ZMYM4: variants seen among roughly 807,000 people sequenced by gnomAD.
The protein encoded by ZMYM4 is zinc finger MYM-type protein 4.
ZMYM4 carries 31 observed loss-of-function variants against 183.2 expected under a neutral mutation model. The observed-to-expected ratio is 0.17, with a 90% confidence interval of 0.13 to 0.23. The LOEUF is 0.23. Among genes scored for constraint, ZMYM4 ranks in the 10% least tolerant of loss-of-function variants. ZMYM4 has a pLI of 1.00. For synonymous variants in ZMYM4, 592 were observed against 631.2 expected, an observed-to-expected ratio of 0.94 and a Z score of 0.93; for missense variants, 1,273 against 1,840.3, an observed-to-expected ratio of 0.69 and a Z score of 5.64.
intron 1 of ZMYM4, among the ~76,000 whole-genome samples, chr1:35,294,904 G>C (rs1308062681): frequency 6.6e-6 from 1 of 152,168 alleles, no homozygotes; most frequent in Non-Finnish European, 1.5e-5. Flanking sequence ...ACAAGGTATT[G>C]AACAGATAAA....
rs552141852 is a variant in ZMYM4, at chr1:35,269,042, C to A, written c.-5C>A. On this transcript the variant is annotated 5_prime_UTR_variant, in exon 1 of 30. Transcript: ENST00000314607. ...GAGCCGCAGCGGTTCCGAGCGGGGC[C>A]CAACATGGCGGAGAGAGAGGTGGAG... 68 of 1,546,150 alleles carry A rather than the reference C, an allele frequency of 4.4e-5. No homozygotes were observed. The highest frequency in any genetic ancestry group is 9.9e-5 in the Admixed American group (5 of 50,692).
At chr1:35,294,084 A>G (rs999314847) in intron 1 of ZMYM4, among the ~76,000 whole-genome samples, 3 of 151,836 alleles carry the variant, frequency 2.0e-5, no homozygotes, top group Non-Finnish European at 4.4e-5. Flanking sequence ...GCAGTGAGCC[A>G]AGATTGCGCC....
Position 35,268,979 on chromosome 1 carries a change from G to T in ZMYM4, c.-68G>T. On this transcript the variant is annotated 5_prime_UTR_variant, in exon 1 of 30. Transcript: ENST00000314607. The stretch of plus-strand genomic sequence containing the variant: ...CGGCCGTGCCTGCAGTGTGGGCGGG[G>T]GCCGGGGGGCCGAGAGGTACCGCCG... The T allele has an allele frequency of 6.8e-7, 1 of 1,480,916 alleles. No individual in the cohort carries two copies. The highest frequency in any genetic ancestry group is 9.0e-7 in the Non-Finnish European group (1 of 1,114,066). 91.7% of individuals were successfully genotyped at this position (1,480,916 alleles called of 1,614,324 possible).
chr1:35,382,713 T>G lies in ZMYM4; in HGVS notation c.1569+955T>G, dbSNP rs1254108331. 3.3e-5 allele frequency among the ~76,000 whole-genome samples: 5 copies of G among 152,114 alleles called. No homozygotes were observed. In the East Asian group the frequency reaches 7.7e-4, roughly 23 times the overall value. On this transcript the variant is annotated intron_variant, in intron 9 of 29. Transcript: ENST00000314607. ...ACCTGCCTCGGCCTCCCAATCCCTG[T>G]GCTGGGATTACAGGTGCGAGCCACC...
chr1:35,352,253 G>A (rs1166807601), intron 2 of ZMYM4, among the ~76,000 whole-genome samples: 3 of 102,288 alleles, frequency 2.9e-5, no homozygotes, highest in Admixed American at 2.8e-4. Context: ...TTAAAAATTA[G>A]CGCGCACGCG....
intron 1 of ZMYM4, among the ~76,000 whole-genome samples, chr1:35,273,952 G>A (rs1007652492): frequency 6.6e-6 from 1 of 152,118 alleles, no homozygotes; most frequent in Non-Finnish European, 1.5e-5. Context: ...ATAGACAGTA[G>A]AAAATACGAA....
intron 1 of ZMYM4, among the ~76,000 whole-genome samples, chr1:35,283,805 T>C (rs1292656408): frequency 6.6e-6 from 1 of 152,172 alleles, no homozygotes; most frequent in Admixed American, 6.5e-5. Context: ...TTTGTGCATG[T>C]TTTTTAATTG....
chr1:35,310,898 C>T (rs1379345008), intron 1 of ZMYM4, among the ~76,000 whole-genome samples: 1 of 151,946 alleles, frequency 6.6e-6, no homozygotes, highest in African/African-American at 2.4e-5. Flanking sequence ...TTTTCTAATT[C>T]ACACGAGTAT....
At chr1:35,320,394 G>A (rs1349033831) in intron 1 of ZMYM4, among the ~76,000 whole-genome samples, 3 of 152,122 alleles carry the variant, frequency 2.0e-5, no homozygotes, top group African/African-American at 4.8e-5. Flanking sequence ...CAGAGAAGAC[G>A]TGGGAACTCC....
chr1:35,394,024 G>A (rs1644758765), intron 18 of ZMYM4, among the ~76,000 whole-genome samples: 1 of 151,994 alleles, frequency 6.6e-6, no homozygotes. Flanking sequence ...CATAAGGTTT[G>A]GAATTACATG....
At chr1:35,408,876 C>A (rs1419181353) in intron 26 of ZMYM4, among the ~76,000 whole-genome samples, 2 of 152,236 alleles carry the variant, frequency 1.3e-5, no homozygotes, top group African/African-American at 4.8e-5. Context: ...TCACCACTGT[C>A]TATTCTGTAG....
At chr1:35,333,935 A>G (rs928857266) in intron 2 of ZMYM4, among the ~76,000 whole-genome samples, 11 of 152,054 alleles carry the variant, frequency 7.2e-5, no homozygotes, top group African/African-American at 2.7e-4. Context: ...TTTTTCTGCC[A>G]CAATGAACAA....
chr1:35,379,408 C>T (rs902541567), intron 7 of ZMYM4, among the ~76,000 whole-genome samples: 1 of 152,146 alleles, frequency 6.6e-6, no homozygotes, highest in Non-Finnish European at 1.5e-5. Context: ...CTAAGTTTTG[C>T]ATTTTTTAGT....
intron 2 of ZMYM4, among the ~76,000 whole-genome samples, chr1:35,352,806 A>G (rs1341560779): frequency 6.6e-6 from 1 of 152,174 alleles, no homozygotes; most frequent in Non-Finnish European, 1.5e-5. Context: ...GAAGTATGTC[A>G]GGACTCTCAG....
intron 28 of ZMYM4, among the ~76,000 whole-genome samples, chr1:35,417,886 C>T (rs967110470): frequency 6.6e-5 from 10 of 152,090 alleles, no homozygotes; most frequent in African/African-American, 2.4e-4. Flanking sequence ...GTGGCAGGCG[C>T]CTGTAATCCC....
intron 7 of ZMYM4, among the ~76,000 whole-genome samples, chr1:35,379,301 A>C (rs1644400521): frequency 6.6e-6 from 1 of 152,134 alleles, no homozygotes; most frequent in African/African-American, 2.4e-5. Context: ...GGATTTCACC[A>C]TGTTGGCCAG....
intron 1 of ZMYM4, among the ~76,000 whole-genome samples, chr1:35,293,904 C>T (rs1640882758): frequency 6.6e-6 from 1 of 152,092 alleles, no homozygotes; most frequent in Non-Finnish European, 1.5e-5. Flanking sequence ...GTAATCCCAG[C>T]ACTTTGGGAG....
At chr1:35,395,814 A>G (rs1644799141) in intron 18 of ZMYM4, among the ~76,000 whole-genome samples, 2 of 152,234 alleles carry the variant, frequency 1.3e-5, no homozygotes, top group Admixed American at 1.3e-4. Flanking sequence ...ATACAGAAGT[A>G]TGGTATATAC....
At chr1:35,370,862 T>G in intron 7 of ZMYM4, 1 of 413,240 alleles carries the variant, frequency 2.4e-6, no homozygotes, top group Admixed American at 4.4e-5. Context: ...TATGTATTGT[T>G]TTTGAAACCA....
Sources: allele counts gnomAD v4.1 joint callset (sites outside exome capture counted in the v4.1 genomes callset), GRCh38; gene constraint gnomAD v4.1.1; transcripts MANE v1.5; gene names NCBI Gene and HGNC (gene_info 2026-07-23, HGNC 2026-07-21).